The following PDE8B variants were observed in gnomAD, a reference collection of about 807,000 sequenced individuals.
The protein encoded by PDE8B is high affinity cAMP-specific and IBMX-insensitive 3',5'-cyclic phosphodiesterase 8B.
In PDE8B, 26 loss-of-function variants were observed where a neutral mutation model predicts 101.3. The observed-to-expected ratio is 0.26, with a 90% CI of 0.19 to 0.36. The LOEUF is 0.36. PDE8B is among the 10% of genes least tolerant of loss of function. The pLI, the probability that PDE8B is intolerant of heterozygous loss-of-function variation, is 1.00. For synonymous variants in PDE8B, 424 were observed against 429.3 expected, an observed-to-expected ratio of 0.99 and a Z score of 0.15; for missense variants, 810 against 1,163.1, an observed-to-expected ratio of 0.70 and a Z score of 4.42.
At chr5:77,305,005 C>T (rs1198686637) in intron 1 of PDE8B, among the ~76,000 whole-genome samples, 14 of 152,148 alleles carry the variant, frequency 9.2e-5, no homozygotes, top group Non-Finnish European at 1.8e-4. Flanking sequence ...AGTGTTCCAC[C>T]GGTGTTTGTT....
intron 1 of PDE8B, among the ~76,000 whole-genome samples, chr5:77,240,259 T>C (rs1342362420): frequency 6.6e-6 from 1 of 152,188 alleles, no homozygotes; most frequent in Non-Finnish European, 1.5e-5. Context: ...GTTCACGCCA[T>C]TCTCCTGCCT....
the PDE8B span, among the ~76,000 whole-genome samples, chr5:77,109,555 G>T: frequency 6.6e-6 from 1 of 152,332 alleles, no homozygotes; most frequent in South Asian, 2.1e-4. Context: ...GCTAACCAAT[G>T]CTATATCTGC....
intron 7 of PDE8B, among the ~76,000 whole-genome samples, chr5:77,348,122 C>G (rs1379473011): frequency 1.3e-5 from 2 of 152,180 alleles, no homozygotes; most frequent in African/African-American, 4.8e-5. Context: ...AGCTGTGTCT[C>G]CCAAGGAACA....
intron 10 of PDE8B, among the ~76,000 whole-genome samples, chr5:77,374,466 C>A (rs143280740): frequency 9.9e-5 from 15 of 151,782 alleles, no homozygotes; most frequent in Non-Finnish European, 1.9e-4. Flanking sequence ...ATTATTTGAA[C>A]GATTTTTAAA....
intron 10 of PDE8B, among the ~76,000 whole-genome samples, chr5:77,375,172 C>T (rs1785830778): frequency 2.0e-5 from 3 of 152,326 alleles, no homozygotes; most frequent in Admixed American, 1.3e-4. Context: ...GTTTCTAGGA[C>T]TTCTACTGGC....
At chr5:77,305,272 G>T (rs1487828651) in intron 1 of PDE8B, among the ~76,000 whole-genome samples, 1 of 152,210 alleles carries the variant, frequency 6.6e-6, no homozygotes, top group Non-Finnish European at 1.5e-5. Context: ...TGAAGCCCAG[G>T]TTGAGAACTT....
intron 3 of PDE8B, 32 bp from the exon 4 acceptor site, chr5:77,328,966 A>T: frequency 6.3e-7 from 1 of 1,578,150 alleles, no homozygotes; most frequent in South Asian, 1.1e-5. Context: ...AGCCCAGATC[A>T]CCTTGTTTGA....
chr5:77,164,205 T>G, the PDE8B span, among the ~76,000 whole-genome samples: 1 of 152,334 alleles, frequency 6.6e-6, no homozygotes, highest in East Asian at 1.9e-4. Flanking sequence ...ATTGGCATTG[T>G]GGAACCTATC....
chr5:77,418,441 T>C lies in PDE8B; in HGVS notation c.2124T>C (p.Ile708=). The change falls in exon 18 of 22, where the codon ATT becomes ATC. Residue 708 remains isoleucine (I), a synonymous_variant. Coordinates refer to ENST00000264917, the MANE Select transcript of PDE8B (RefSeq NM_003719.5). The part of the protein sequence containing the change: ...KDTKCNIFKN[I]DRNHYRTLRQ... ...CCAAATGCAACATTTTCAAGAATAT[T>C]GACAGGTTTGTTGTGCTGGGGCTCC... 3 of 1,611,550 alleles carry C rather than the reference T, an allele frequency of 1.9e-6. No homozygotes were observed. The highest frequency in any genetic ancestry group is 2.5e-6 in the Non-Finnish European group (3 of 1,178,170).
chr5:77,267,534 G>A (rs1482402008), intron 1 of PDE8B, among the ~76,000 whole-genome samples: 1 of 152,056 alleles, frequency 6.6e-6, no homozygotes, highest in Non-Finnish European at 1.5e-5. Context: ...CCCTCCCTGT[G>A]CTGGAAGGGG....
intron 1 of PDE8B, among the ~76,000 whole-genome samples, chr5:77,247,979 C>T (rs982002622): frequency 1.6e-4 from 24 of 152,216 alleles, no homozygotes; most frequent in African/African-American, 5.5e-4. Context: ...GAAAAGCCCA[C>T]AGCACTTCAC....
chr5:77,425,669 T>A, intron 20 of PDE8B, 98 bp from the exon 21 acceptor site: 1 of 1,249,568 alleles, frequency 8.0e-7, no homozygotes, highest in Non-Finnish European at 1.2e-6. Context: ...GAAAACTGGA[T>A]AATGACCCAT....
intron 20 of PDE8B, among the ~76,000 whole-genome samples, chr5:77,423,939 G>A (rs1337243923): frequency 6.6e-6 from 1 of 150,862 alleles, no homozygotes; most frequent in East Asian, 1.9e-4. Context: ...ACCCAGCCTG[G>A]ACATTTTTTT....
chr5:77,242,370 A>G (rs1455120775), intron 1 of PDE8B, among the ~76,000 whole-genome samples: 2 of 152,240 alleles, frequency 1.3e-5, no homozygotes, highest in Non-Finnish European at 2.9e-5. Flanking sequence ...TTAGCTCAAC[A>G]TATTTCATCT....
At position 77,241,194 on chromosome 5, in the gene PDE8B, G is replaced by A. The variant is rs186533590; in HGVS notation, c.339+29930G>A. Among the ~76,000 whole-genome samples the A allele has an allele frequency of 5.1e-4, 78 of 152,244 alleles. 1 individual carries two copies. Among genetic ancestry groups the A allele is most frequent in the Admixed American group, 1.4e-3 (22 of 15,284 alleles). On this transcript the variant is annotated intron_variant, in intron 1 of 21. Transcript: ENST00000264917. ...GATACACTTACTGTCAGTTCAGCAC[G>A]CACACCTCATTGCTTTTCTTCGGCA...
the PDE8B span, among the ~76,000 whole-genome samples, chr5:77,138,967 C>A: frequency 6.6e-6 from 1 of 152,122 alleles, no homozygotes; most frequent in African/African-American, 2.4e-5. Context: ...TAAAACTAAC[C>A]ATTAGTTACC....
the PDE8B span, among the ~76,000 whole-genome samples, chr5:77,182,517 T>C: frequency 1.3e-5 from 2 of 152,240 alleles, no homozygotes; most frequent in African/African-American, 4.8e-5. Context: ...GTTACAGGCA[T>C]GAGTAGAGGG....
At chr5:77,342,310 G>C (rs1019911405) in intron 6 of PDE8B, among the ~76,000 whole-genome samples, 3 of 152,124 alleles carry the variant, frequency 2.0e-5, no homozygotes, top group South Asian at 4.1e-4. Context: ...ACAAAAACCT[G>C]TGAAATACGT....
chr5:77,252,962 A>G (rs1758369350), intron 1 of PDE8B, among the ~76,000 whole-genome samples: 1 of 152,220 alleles, frequency 6.6e-6, no homozygotes, highest in South Asian at 2.1e-4. Flanking sequence ...ATTTTATTGT[A>G]GAGCAAAGCA....
Sources: allele counts gnomAD v4.1 joint callset (sites outside exome capture counted in the v4.1 genomes callset), GRCh38; gene constraint gnomAD v4.1.1; transcripts MANE v1.5; gene names NCBI Gene and HGNC (gene_info 2026-07-23, HGNC 2026-07-21).